Variants in NCOR1 observed in about 807,000 individuals in gnomAD.
NCOR1 encodes the protein nuclear receptor corepressor 1.
In NCOR1, 63 loss-of-function variants were observed where a neutral mutation model predicts 288.1. That is an observed-to-expected ratio of 0.22 (90% CI 0.18 to 0.27). The LOEUF is 0.27. Among genes scored for constraint, NCOR1 ranks in the 10% least tolerant of loss-of-function variants. The pLI is 1.00. For synonymous variants in NCOR1, 1,007 were observed against 1,065.9 expected (o/e 0.94, Z 1.08); for missense variants, 2,397 against 3,019.2 (o/e 0.79, Z 4.83).
At position 16,065,682 on chromosome 17, in the gene NCOR1, T is replaced by TA. The variant is rs1415643602; in HGVS notation, c.4753dup (p.Tyr1585LeufsTer32). Reference sequence around the variant, plus strand: ...TGGTGAAAGCTGTCTCTGAAACAGGTAAGCAGCCGCTGCTGATTGAGAGAA... The same window carrying TA: ...TGGTGAAAGCTGTCTCTGAAACAGGTAAAGCAGCCGCTGCTGATTGAGAGAA... On this transcript the variant is annotated frameshift_variant, in exon 33 of 46. Transcript: ENST00000268712. LOFTEE classifies it high-confidence loss of function. 1 of 1,614,210 alleles carries TA rather than the reference T, an allele frequency of 6.2e-7. No homozygotes were observed. The highest frequency in any genetic ancestry group is 2.2e-5 in the East Asian group (1 of 44,882).
chr17:16,128,263 C>T (rs2075062136), intron 14 of NCOR1, among the ~76,000 whole-genome samples: 1 of 152,228 alleles, frequency 6.6e-6, no homozygotes, highest in Non-Finnish European at 1.5e-5. Context: ...TCTACCCTTC[C>T]CTTTCCTGAT....
chr17:16,051,991 A>T (rs953090277), intron 40 of NCOR1, among the ~76,000 whole-genome samples: 3 of 152,154 alleles, frequency 2.0e-5, no homozygotes, highest in Non-Finnish European at 4.4e-5. Flanking sequence ...CACTCAAAAG[A>T]TCAACAAATT....
In NCOR1 at chr17:16,032,389, T is replaced by C. The variant is rs967340569; in HGVS notation, c.7230A>G (p.Gln2410=). The change falls in exon 46 of 46, where the codon CAA becomes CAG. Residue 2410 remains glutamine, a synonymous_variant. Transcript: ENST00000268712. ...TCCTGTTCTGTTGGTGAGGAGCTGC[T>C]TGGTTCACCGCAGAGGGAGCACATG... ...PIACAPSAVN[Q]AAPHQQNRIW... The C allele has an allele frequency of 2.5e-6, 4 of 1,614,134 alleles. No individual in the cohort carries two copies. Among genetic ancestry groups the C allele is most frequent in the Non-Finnish European group, 2.5e-6 (3 of 1,180,002 alleles).
intron 11 of NCOR1, among the ~76,000 whole-genome samples, chr17:16,142,758 T>G (rs534667489): frequency 1.3e-5 from 2 of 152,128 alleles, no homozygotes; most frequent in Non-Finnish European, 2.9e-5. Context: ...TTTGGGAAAG[T>G]GAGTGAGGAA....
intron 3 of NCOR1, among the ~76,000 whole-genome samples, chr17:16,174,180 G>A (rs962517365): frequency 2.6e-5 from 4 of 152,118 alleles, no homozygotes; most frequent in African/African-American, 9.7e-5. Flanking sequence ...CTTTTTTGCA[G>A]AAATAGAAAA....
Position 16,048,985 on chromosome 17 carries a change from C to A in NCOR1, c.6396G>T (p.Arg2132Ser). Residue 2132 changes from arginine (R) to serine (S), a missense_variant, in exon 41 of 46, where the codon AGG becomes AGT. Physicochemically the swap from Arg to Ser is moderately radical, Grantham distance 110. Transcript: ENST00000268712. ...GACTCCTCTCTGGGGATTTTCCAGGCCTACTATTGTAATATGTGAAATATT... is the reference window on the plus strand; with the variant it reads ...GACTCCTCTCTGGGGATTTTCCAGGACTACTATTGTAATATGTGAAATATT... ...ENLVDKSRGSRPGKSPERSHV... is the reference protein window; with the variant it reads ...ENLVDKSRGSSPGKSPERSHV... 2 of 1,605,118 alleles carry A rather than the reference C, an allele frequency of 1.2e-6. 1 individual carries two copies. The highest frequency in any genetic ancestry group is 2.2e-5 in the South Asian group (2 of 90,086).
chr17:16,186,200 G>A (rs562420922), intron 3 of NCOR1, among the ~76,000 whole-genome samples: 53 of 152,240 alleles, frequency 3.5e-4, no homozygotes, highest in Non-Finnish European at 5.4e-4. Flanking sequence ...AAACTTCGGC[G>A]ATAAAATAAA....
chr17:16,045,894 C>G (rs187004606), intron 42 of NCOR1, among the ~76,000 whole-genome samples: 1 of 152,222 alleles, frequency 6.6e-6, no homozygotes, highest in East Asian at 1.9e-4. Context: ...TCACTGTAGC[C>G]TCAACTTCCC....
intron 3 of NCOR1, among the ~76,000 whole-genome samples, chr17:16,175,173 C>T (rs1180106691): frequency 6.6e-6 from 1 of 152,090 alleles, no homozygotes; most frequent in African/African-American, 2.4e-5. Flanking sequence ...TCGAGACCAG[C>T]CTGACCAACA....
chr17:16,048,778 T>C (rs1025538543), intron 41 of NCOR1, 67 bp downstream of exon 41: 5 of 1,432,672 alleles, frequency 3.5e-6, no homozygotes, highest in East Asian at 2.5e-5. Context: ...CGGCAACAAC[T>C]GAAGGAAATG....
intron 25 of NCOR1, 140 bp downstream of exon 25, chr17:16,080,268 A>T: frequency 1.1e-6 from 1 of 876,530 alleles, no homozygotes; most frequent in Non-Finnish European, 1.7e-6. Context: ...TTTTAAAATG[A>T]CTTTTACATG....
chr17:16,162,336 G>T (rs1209113691), intron 5 of NCOR1, among the ~76,000 whole-genome samples: 1 of 151,886 alleles, frequency 6.6e-6, no homozygotes, highest in Non-Finnish European at 1.5e-5. Flanking sequence ...CAACTAACAG[G>T]AATTTCATAA....
At position 16,205,540 on chromosome 17, in the gene NCOR1, G is replaced by A. The variant is rs1329433219; in HGVS notation, c.-71+9822C>T. On this transcript the variant is annotated intron_variant, in intron 1 of 45. Coordinates refer to ENST00000268712, the MANE Select transcript of NCOR1 (RefSeq NM_006311.4). ...GAAGGCTGAGGCAGGGGAATCGCTTGAACCTGGGAGGCGGAGGTTGCAGTG... is the reference window on the plus strand; with the variant it reads ...GAAGGCTGAGGCAGGGGAATCGCTTAAACCTGGGAGGCGGAGGTTGCAGTG... Among the ~76,000 whole-genome samples, 4 of 151,944 alleles carry A rather than the reference G, an allele frequency of 2.6e-5. No homozygotes were observed. In the East Asian group the frequency reaches 5.8e-4, roughly 22 times the overall value.
chr17:16,186,526 G>T, intron 3 of NCOR1, 28 bp downstream of exon 3: 1 of 1,601,534 alleles, frequency 6.2e-7, no homozygotes, highest in Non-Finnish European at 8.5e-7. Flanking sequence ...TATAATCCTA[G>T]ATAGAAACAT....
intron 6 of NCOR1, among the ~76,000 whole-genome samples, chr17:16,158,038 A>G (rs1386613007): frequency 1.3e-5 from 2 of 151,946 alleles, no homozygotes; most frequent in African/African-American, 4.8e-5. Flanking sequence ...AAGTGGCTCA[A>G]TCTCGGCTCA....
intron 3 of NCOR1, among the ~76,000 whole-genome samples, chr17:16,185,666 AG>A (rs2086501605): frequency 9.0e-6 from 1 of 111,010 alleles, no homozygotes; most frequent in African/African-American, 3.5e-5. Flanking sequence ...CTGGGTGACA[AG>A]AGTGAGACTC....
intron 26 of NCOR1, among the ~76,000 whole-genome samples, chr17:16,075,977 C>T (rs1209489552): frequency 1.3e-5 from 2 of 152,204 alleles, no homozygotes; most frequent in Non-Finnish European, 2.9e-5. Flanking sequence ...GACTCTATTA[C>T]AGGATTTAAC....
At chr17:16,213,658 T>C (rs1011475946) in intron 1 of NCOR1, among the ~76,000 whole-genome samples, 1 of 152,052 alleles carries the variant, frequency 6.6e-6, no homozygotes, top group Non-Finnish European at 1.5e-5. Flanking sequence ...CACAGAAATA[T>C]AACCCCTTCA....
intron 17 of NCOR1, among the ~76,000 whole-genome samples, chr17:16,118,977 T>C (rs569041648): frequency 6.6e-6 from 1 of 152,326 alleles, no homozygotes; most frequent in Admixed American, 6.5e-5. Context: ...CAGAGCAATC[T>C]GCTAGTGGTT....
Sources: allele counts gnomAD v4.1 joint callset (sites outside exome capture counted in the v4.1 genomes callset), GRCh38; gene constraint gnomAD v4.1.1; transcripts MANE v1.5; gene names NCBI Gene and HGNC (gene_info 2026-07-23, HGNC 2026-07-21).